The following NASP variants were observed in gnomAD, a reference collection of about 807,000 sequenced individuals.
NASP encodes the protein NASP histone chaperone.
A neutral mutation model predicts 89.5 loss-of-function variants in NASP; 24 were observed. The observed-to-expected ratio is 0.27, with a 90% CI of 0.19 to 0.38. The LOEUF (loss-of-function observed/expected upper bound fraction) is 0.38. Ranked by LOEUF, NASP falls within the 10% of genes least tolerant of loss-of-function variation. The probability of loss-of-function intolerance (pLI) is 1.00; values close to 1 mark genes in which losing one functional copy is unlikely to be tolerated. For synonymous variants in NASP, 306 were observed against 324.7 expected (o/e 0.94, Z 0.62); for missense variants, 848 against 921.4 (o/e 0.92, Z 1.03).
chr1:45,616,170 C>T (rs1644102159), intron 11 of NASP, among the ~76,000 whole-genome samples, 167 bp from the exon 12 acceptor site: 1 of 152,190 alleles, frequency 6.6e-6, no homozygotes, highest in Admixed American at 6.5e-5. Context: ...CTCTGGGTGG[C>T]TGCTAGACAG....
chr1:45,616,843 G>C, intron 13 of NASP, 140 bp downstream of exon 13: 1 of 805,106 alleles, frequency 1.2e-6, no homozygotes, highest in Non-Finnish European at 2.0e-6. Flanking sequence ...AGTGGAGACT[G>C]TTGTGTTTTG....
chr1:45,585,182 C>A (rs1045004715), intron 1 of NASP, among the ~76,000 whole-genome samples: 2 of 152,174 alleles, frequency 1.3e-5, no homozygotes. Flanking sequence ...TACACGAGTT[C>A]AAGGAAACAA....
At chr1:45,617,701 T>C in intron 14 of NASP, 110 bp downstream of exon 14, 1 of 1,274,568 alleles carries the variant, frequency 7.8e-7, no homozygotes, top group South Asian at 1.5e-5. Flanking sequence ...CTAACGATTG[T>C]TGAGTGCAGT....
intron 3 of NASP, 103 bp from the exon 4 acceptor site, chr1:45,604,833 G>T (rs1386157029): frequency 1.1e-6 from 1 of 877,012 alleles, no homozygotes; most frequent in Non-Finnish European, 1.8e-6. Flanking sequence ...TGGTTTTCTA[G>T]GAGTATGTTA....
intron 7 of NASP, among the ~76,000 whole-genome samples, chr1:45,613,628 T>A (rs1644054634): frequency 6.6e-6 from 1 of 152,222 alleles, no homozygotes; most frequent in Non-Finnish European, 1.5e-5. Flanking sequence ...TCTCCAGATG[T>A]CTGCCACCAT....
At chr1:45,606,435 C>G in intron 4 of NASP, 47 bp from the exon 5 acceptor site, 2 of 1,392,048 alleles carry the variant, frequency 1.4e-6, no homozygotes, top group South Asian at 1.2e-5. Flanking sequence ...GAAAAAATTG[C>G]TAGGTTCTAG....
At chr1:45,589,189 A>G (rs1418666060) in intron 1 of NASP, among the ~76,000 whole-genome samples, 2 of 152,178 alleles carry the variant, frequency 1.3e-5, no homozygotes, top group Non-Finnish European at 2.9e-5. Flanking sequence ...GTATAGTGGT[A>G]TGATCATAGC....
intron 11 of NASP, among the ~76,000 whole-genome samples, chr1:45,616,023 C>T (rs145288864): frequency 1.6e-4 from 25 of 152,334 alleles, no homozygotes; most frequent in African/African-American, 5.8e-4. Context: ...TCCAAGAACT[C>T]ATTTGCATAA....
At position 45,584,779 on chromosome 1, in the gene NASP, C is replaced by G. The variant is rs182833646; in HGVS notation, c.59+574C>G. Among the ~76,000 whole-genome samples, 1,471 of 152,352 alleles carry G rather than the reference C, an allele frequency of 9.7e-3. 34 individuals are homozygous for G. The highest frequency in any genetic ancestry group is 0.049 in the Admixed American group (754 of 15,300). Reference sequence around the variant, plus strand: ...GCGGGGCCTTGAGGAGGCGGGAAAACTCCATTGTTTGGGGCCGCTGCGGCT... The same window carrying G: ...GCGGGGCCTTGAGGAGGCGGGAAAAGTCCATTGTTTGGGGCCGCTGCGGCT... On this transcript the variant is annotated intron_variant, in intron 1 of 14. Transcript: ENST00000350030.
In NASP at chr1:45,616,841, CTG is replaced by C. The variant is rs1380182600; in HGVS notation, c.2157+140_2157+141del. 4 of 827,232 alleles carry C rather than the reference CTG, an allele frequency of 4.8e-6. No individual in the cohort carries two copies. The Admixed American group carries it at 6.5e-5, about 13-fold the overall frequency. The allele number at this position is 827,232 out of a possible 1,614,324, so 51.2% of individuals were successfully genotyped here. On this transcript the variant is annotated intron_variant, in intron 13 of 14. Transcript: ENST00000350030. ...GGTGGTAAGGATTTGTGAGTGGAGA[CTG>C]TTGTGTTTTGTTTTGTTTTGAGACG...
chr1:45,593,261 G>C lies in NASP; in HGVS notation c.107+1991G>C, dbSNP rs1643597073. 2.0e-5 allele frequency among the ~76,000 whole-genome samples: 3 copies of C among 152,134 alleles called. No homozygotes were observed. The South Asian group carries it at 6.2e-4, about 31-fold the overall frequency. ...GTTTAGAAATAACTCCGGCCAGGCA[G>C]GTGGCTCATGTCTGTAATCCCAGCA... On this transcript the variant is annotated intron_variant, in intron 2 of 14. Coordinates refer to ENST00000350030, the MANE Select transcript of NASP (RefSeq NM_002482.4).
chr1:45,594,907 G>A (rs1321508885), intron 2 of NASP: 1 of 270,582 alleles, frequency 3.7e-6, no homozygotes, highest in Non-Finnish European at 7.9e-6. Context: ...CTGACCTGAA[G>A]TGGGTTTTTA....
chr1:45,618,237 T>C lies in NASP; in HGVS notation c.*96T>C, dbSNP rs1644142369. On this transcript the variant is annotated 3_prime_UTR_variant, in exon 15 of 15. Transcript: ENST00000350030. ...TCTTTTTGTATAACTTCAATAAAGA[T>C]TGTAAGCAAAGGTTGAGGCTTTGAT... is the stretch of plus-strand genomic sequence containing the variant. 9.7e-7 allele frequency: 1 copy of C among 1,028,330 alleles called. No individual in the cohort carries two copies. The highest frequency in any genetic ancestry group is 2.4e-5 in the Admixed American group (1 of 42,144). The allele number at this position is 1,028,330 out of a possible 1,614,324, so 63.7% of individuals were successfully genotyped here. A position where few individuals can be genotyped will look rare whatever the true frequency, so the allele number is the denominator to read the frequency against.
At chr1:45,586,284 G>GTGTGTGTGTGTGT (rs1202771599) in intron 1 of NASP, among the ~76,000 whole-genome samples, 1 of 100,534 alleles carries the variant, frequency 9.9e-6, no homozygotes, top group South Asian at 3.2e-4. Context: ...GTGTGTGTGT[G>GTGTGTGTGTGTGT]GTGTGTGTGT....
intron 1 of NASP, chr1:45,588,705 G>A (rs1286472216): frequency 1.4e-5 from 6 of 415,866 alleles, no homozygotes; most frequent in East Asian, 8.6e-5. Flanking sequence ...TTGGGAGGCC[G>A]AGGTGGGCAG....
At chr1:45,597,010 AAG>A (rs1643714547) in intron 2 of NASP, among the ~76,000 whole-genome samples, 1 of 151,662 alleles carries the variant, frequency 6.6e-6, no homozygotes, top group Non-Finnish European at 1.5e-5. Flanking sequence ...GAAAAGAAAA[AAG>A]AAATTACCAC....
At chr1:45,591,331 C>G in intron 2 of NASP, 61 bp downstream of exon 2, 1 of 1,104,146 alleles carries the variant, frequency 9.1e-7, no homozygotes, top group Non-Finnish European at 1.3e-6. Flanking sequence ...AGCAATATAA[C>G]TTTAAAGTTA....
intron 7 of NASP, among the ~76,000 whole-genome samples, 191 bp downstream of exon 7, chr1:45,613,439 A>C (rs1644050924): frequency 6.6e-6 from 1 of 152,178 alleles, no homozygotes; most frequent in African/African-American, 2.4e-5. Context: ...TTGTGCCAAC[A>C]TGCCCAGCTA....
At position 45,608,127 on chromosome 1, in the gene NASP, G is replaced by T. The variant is rs138740523; in HGVS notation, c.1216G>T (p.Asp406Tyr). The T allele has an allele frequency of 1.2e-6, 2 of 1,614,108 alleles. No homozygotes were observed. Among genetic ancestry groups the T allele is most frequent in the Non-Finnish European group, 1.7e-6 (2 of 1,179,980 alleles). The change falls in exon 6 of 15, where the codon GAT becomes TAT. Residue 406 changes from aspartate (D) to tyrosine (Y), a missense_variant. Transcript: ENST00000350030. The part of the protein sequence containing the change: ...TSIERLTETK[D>Y]GSGLEEKVRA... ...TATAGAAAGACTGACAGAAACAAAA[G>T]ATGGCTCAGGACTAGAGGAGAAGGT...
Sources: allele counts gnomAD v4.1 joint callset (sites outside exome capture counted in the v4.1 genomes callset), GRCh38; gene constraint gnomAD v4.1.1; transcripts MANE v1.5; gene names NCBI Gene and HGNC (gene_info 2026-07-23, HGNC 2026-07-21).